PPP2R5C: variants seen among roughly 807,000 people sequenced by gnomAD.
The protein encoded by PPP2R5C is protein phosphatase 2 regulatory subunit B'gamma.
In PPP2R5C, 7 loss-of-function variants were observed where a neutral mutation model predicts 68.9. The ratio of observed to expected loss-of-function variants is 0.10; its 90% CI spans 0.06 to 0.19. The LOEUF (loss-of-function observed/expected upper bound fraction) is 0.19, where lower values mean the gene tolerates loss of function less well. PPP2R5C is among the 10% of genes least tolerant of loss of function. PPP2R5C has a pLI of 1.00. For missense variants in PPP2R5C, 348 were observed against 641.3 expected, an observed-to-expected ratio of 0.54 and a Z score of 4.94; for synonymous variants, 210 against 222.2, an observed-to-expected ratio of 0.95 and a Z score of 0.49.
intron 1 of PPP2R5C, among the ~76,000 whole-genome samples, chr14:101,827,997 C>T (rs2040500609): frequency 6.6e-6 from 1 of 152,086 alleles, no homozygotes; most frequent in African/African-American, 2.4e-5. Context: ...AGGATGATAG[C>T]CCAGTGTCAG....
chr14:101,861,084 A>C (rs57738120), intron 2 of PPP2R5C, among the ~76,000 whole-genome samples: 1 of 152,320 alleles, frequency 6.6e-6, no homozygotes, highest in African/African-American at 2.4e-5. Context: ...CCTTCTTCTG[A>C]TAGTCACAAT....
Position 101,883,241 on chromosome 14 carries a change from T to C in PPP2R5C, c.406-16T>C, listed in dbSNP as rs2044273479. On this transcript the variant is annotated splice_polypyrimidine_tract_variant and intron_variant, in intron 3 of 13. Transcript: ENST00000334743. ...AAATCTCATGTTATTTGACTCATTG[T>C]TTTTTTTCCTCCTAGCTTGTTTATG... The C allele has an allele frequency of 6.8e-7, 1 of 1,480,758 alleles. No individual in the cohort carries two copies. Among genetic ancestry groups the C allele is most frequent in the South Asian group, 1.2e-5 (1 of 81,912 alleles). The allele number at this position is 1,480,758 out of a possible 1,614,324, so 91.7% of individuals were successfully genotyped here. A position where few individuals can be genotyped will look rare whatever the true frequency, so the allele number is the denominator to read the frequency against.
intron 10 of PPP2R5C, among the ~76,000 whole-genome samples, chr14:101,908,427 G>T (rs376164150): frequency 1.3e-5 from 2 of 152,136 alleles, no homozygotes; most frequent in East Asian, 1.9e-4. Context: ...AGACTGGAGT[G>T]CAGTGGCACC....
intron 1 of PPP2R5C, among the ~76,000 whole-genome samples, chr14:101,817,717 G>C (rs2039809794): frequency 1.8e-5 from 2 of 112,830 alleles, no homozygotes; most frequent in Admixed American, 2.8e-4. Context: ...CCCCAGGCAA[G>C]CTGAACTGTC....
At chr14:101,921,146 C>T (rs2046985041) in intron 13 of PPP2R5C, 2 of 236,596 alleles carry the variant, frequency 8.5e-6, no homozygotes, top group South Asian at 3.4e-5. Flanking sequence ...TGGCTCACTG[C>T]AGCCTCGGCC....
Position 101,781,928 on chromosome 14 carries a change from G to A in PPP2R5C, c.94-4090G>A, listed in dbSNP as rs1160209770. On this transcript the variant is annotated intron_variant, in intron 2 of 14. Transcript: ENST00000328724. This position sits in a 1 kb window ranked among gnomAD's most constrained non-coding sequence, Gnocchi z 6.4. Reference sequence around the variant, plus strand: ...TAGCACCCGCTCCCGCTCCCACCTCGTCTGCGCCCACCCGCTCTGGGCAGC... The same window carrying A: ...TAGCACCCGCTCCCGCTCCCACCTCATCTGCGCCCACCCGCTCTGGGCAGC... 6.6e-6 allele frequency among the ~76,000 whole-genome samples: 1 copy of A among 151,606 alleles called. No individual in the cohort carries two copies. Among genetic ancestry groups the A allele is most frequent in the East Asian group, 2.0e-4 (1 of 5,116 alleles).
chr14:101,905,100 TC>T (rs1213095574), intron 9 of PPP2R5C, among the ~76,000 whole-genome samples: 2 of 152,248 alleles, frequency 1.3e-5, no homozygotes, highest in African/African-American at 4.8e-5. Context: ...ACGCCTGTAG[TC>T]CCAGCACTTT....
At chr14:101,806,909 C>G (rs2039101007), upstream of PPP2R5C, among the ~76,000 whole-genome samples, 1 of 152,174 alleles carries the variant, frequency 6.6e-6, no homozygotes, top group Non-Finnish European at 1.5e-5. Context: ...CTGCAGTGAG[C>G]AGAGATCATA....
chr14:101,763,422 A>G (rs12232172), intron 2 of PPP2R5C, among the ~76,000 whole-genome samples: 14,056 of 150,724 alleles, frequency 0.093, 869 homozygotes, highest in African/African-American at 0.17. Context: ...TCACTCTGTC[A>G]CCCAGGCTGG....
intron 13 of PPP2R5C, among the ~76,000 whole-genome samples, chr14:101,919,202 C>A (rs1443050464): frequency 1.3e-5 from 2 of 152,244 alleles, no homozygotes; most frequent in Admixed American, 1.3e-4. Context: ...GGTCATCGGC[C>A]TCTTCTGCCC....
chr14:101,781,344 C>G lies in PPP2R5C; in HGVS notation c.94-4674C>G, dbSNP rs899463235. Among the ~76,000 whole-genome samples the G allele has an allele frequency of 6.6e-6, 1 of 152,192 alleles. No homozygotes were observed. Among genetic ancestry groups the G allele is most frequent in the Non-Finnish European group, 1.5e-5 (1 of 68,026 alleles). ...CCCTCCGAAGCCTCAACCCGCCCTG[C>G]GCCTCCCGGTGGCACAGCGACCTTG... On this transcript the variant is annotated intron_variant, in intron 2 of 14. Transcript: ENST00000328724. The surrounding 1 kb of genome is among the most constrained non-coding windows in gnomAD (Gnocchi z 6.4).
chr14:101,890,443 A>G lies in PPP2R5C; in HGVS notation c.689+147A>G, dbSNP rs1456468099. On this transcript the variant is annotated intron_variant, in intron 6 of 13. Transcript: ENST00000334743. ...CAAATACAATTTCACTGAAAGCAGG[A>G]GTTGGTGAGCTCTTAGATTAGAGCA... is the stretch of plus-strand genomic sequence containing the variant. The G allele has an allele frequency of 5.2e-6, 4 of 763,458 alleles. No individual in the cohort carries two copies. The South Asian group carries it at 5.9e-5, about 11-fold the overall frequency. 47.3% of individuals were successfully genotyped at this position (763,458 alleles called of 1,614,324 possible).
rs1448750454 is a variant in PPP2R5C at position 101,835,539 on chromosome 14, C to G, written c.95-21147C>G. ...TCTGTAATACTGGCTAATGGGAAAC[C>G]TGGCCCATGTCAAATTTGTATTAGG... On this transcript the variant is annotated intron_variant, in intron 1 of 13. Transcript: ENST00000334743. The surrounding 1 kb of genome is among the most constrained non-coding windows in gnomAD (Gnocchi z 5.0). Among the ~76,000 whole-genome samples the G allele has an allele frequency of 6.6e-6, 1 of 152,208 alleles. No individual in the cohort carries two copies. Among genetic ancestry groups the G allele is most frequent in the African/African-American group, 2.4e-5 (1 of 41,450 alleles).
At chr14:101,849,931 C>G (rs2042053182) in intron 1 of PPP2R5C, among the ~76,000 whole-genome samples, 1 of 152,178 alleles carries the variant, frequency 6.6e-6, no homozygotes, top group Admixed American at 6.5e-5. Flanking sequence ...AGTCCTCCAG[C>G]TTGGTTCTTC....
intron 1 of PPP2R5C, chr14:101,843,789 G>A (rs937441723): frequency 8.8e-6 from 2 of 226,804 alleles, no homozygotes; most frequent in Non-Finnish European, 1.8e-5. Flanking sequence ...GCCACCTCCA[G>A]GGGGAGATCG....
rs574782685 is a variant in PPP2R5C, at chr14:101,797,287, G to A, written c.259+11104G>A. The A allele has an allele frequency of 1.5e-5, 7 of 456,050 alleles. No individual in the cohort carries two copies. The highest frequency in any genetic ancestry group is 7.0e-5 in the Admixed American group (3 of 42,570). The allele number at this position is 456,050 out of a possible 1,614,324, so 28.3% of individuals were successfully genotyped here. ...TGCCATCCTTCAGTGATGTGTGGACGGACACATTCCGCGTATCCCCCAATC... is the reference window on the plus strand; with the variant it reads ...TGCCATCCTTCAGTGATGTGTGGACAGACACATTCCGCGTATCCCCCAATC... On this transcript the variant is annotated intron_variant, in intron 3 of 14. Coordinates refer to the PPP2R5C transcript ENST00000328724. The surrounding 1 kb of genome is among the most constrained non-coding windows in gnomAD (Gnocchi z 4.2).
At chr14:101,884,485 G>A (rs1031328176) in intron 5 of PPP2R5C, among the ~76,000 whole-genome samples, 3 of 152,298 alleles carry the variant, frequency 2.0e-5, no homozygotes, top group East Asian at 1.9e-4. Flanking sequence ...GAGAGGAGGC[G>A]GGGCAAGAAG....
At chr14:101,783,766 G>T (rs1011846559) in intron 2 of PPP2R5C, among the ~76,000 whole-genome samples, 3 of 152,164 alleles carry the variant, frequency 2.0e-5, no homozygotes, top group African/African-American at 7.2e-5. Flanking sequence ...CAAGGTCCTC[G>T]CTGTGAGTGC....
chr14:101,853,566 G>A (rs1678031), intron 1 of PPP2R5C, among the ~76,000 whole-genome samples: 7,636 of 152,220 alleles, frequency 0.05, 241 homozygotes, highest in South Asian at 0.08. Context: ...TTTATAACGC[G>A]AATGATGCTT....
Sources: allele counts gnomAD v4.1 joint callset (sites outside exome capture counted in the v4.1 genomes callset), GRCh38; gene constraint gnomAD v4.1.1; non-coding constraint Gnocchi (gnomAD v3.1); transcripts MANE v1.5; gene names NCBI Gene and HGNC (gene_info 2026-07-23, HGNC 2026-07-21).